Variants in CACNB2 observed in about 807,000 individuals in gnomAD.
CACNB2 encodes the protein voltage-dependent L-type calcium channel subunit beta-2.
A neutral mutation model predicts 73.3 loss-of-function variants in CACNB2; 42 were observed. That is an observed-to-expected ratio of 0.57 (90% CI 0.45 to 0.74). The LOEUF is 0.74. CACNB2 is among the 30% of genes least tolerant of loss of function. The pLI is 0.00. For missense variants in CACNB2, 940 were observed against 853.0 expected (o/e 1.10, Z -1.27); for synonymous variants, 348 against 310.3 (o/e 1.12, Z -1.28).
chr10:18,191,008 G>A (rs2034370419), intron 2 of CACNB2, among the ~76,000 whole-genome samples: 1 of 152,242 alleles, frequency 6.6e-6, no homozygotes, highest in Non-Finnish European at 1.5e-5. Flanking sequence ...TGGGAAACGC[G>A]CAAGCTGTGA....
At chr10:18,332,018 A>G (rs540623371) in intron 2 of CACNB2, among the ~76,000 whole-genome samples, 9 of 152,264 alleles carry the variant, frequency 5.9e-5, no homozygotes, top group African/African-American at 2.2e-4. Flanking sequence ...GCAGGACACC[A>G]ATGTGGCTGC....
intron 3 of CACNB2, among the ~76,000 whole-genome samples, chr10:18,489,222 A>G (rs1350455097): frequency 1.3e-5 from 2 of 151,824 alleles, no homozygotes; most frequent in African/African-American, 4.8e-5. Context: ...CTGTGTCAAG[A>G]AACAAAAAAT....
intron 2 of CACNB2, among the ~76,000 whole-genome samples, chr10:18,340,489 A>AACT (rs879320264): frequency 7.9e-5 from 12 of 152,320 alleles, no homozygotes; most frequent in Admixed American, 3.9e-4. Context: ...CAGCTTATCC[A>AACT]GTTATGCAAC....
intron 3 of CACNB2, among the ~76,000 whole-genome samples, chr10:18,430,472 A>T (rs911643468): frequency 1.3e-5 from 2 of 152,016 alleles, no homozygotes; most frequent in African/African-American, 4.8e-5. Flanking sequence ...AAAAAAAAAA[A>T]TTAATTAATT....
chr10:18,290,889 G>A (rs1272389049), intron 2 of CACNB2, among the ~76,000 whole-genome samples: 1 of 152,254 alleles, frequency 6.6e-6, no homozygotes, highest in Non-Finnish European at 1.5e-5. Context: ...GGTAAAAGGA[G>A]AGGAACGCAA....
chr10:18,535,883 T>C (rs2053523896), intron 11 of CACNB2, among the ~76,000 whole-genome samples: 1 of 152,118 alleles, frequency 6.6e-6, no homozygotes, highest in Non-Finnish European at 1.5e-5. Context: ...TGAGATAAAA[T>C]GTTTGAGAGC....
At chr10:18,399,712 T>G (rs1167132362) in intron 2 of CACNB2, among the ~76,000 whole-genome samples, 1 of 152,096 alleles carries the variant, frequency 6.6e-6, no homozygotes, top group Non-Finnish European at 1.5e-5. Context: ...AAGAACACTT[T>G]TTTTTTTCAT....
chr10:18,234,987 T>C (rs2036378029), intron 2 of CACNB2, among the ~76,000 whole-genome samples: 1 of 151,120 alleles, frequency 6.6e-6, no homozygotes, highest in Non-Finnish European at 1.5e-5. Flanking sequence ...ACTAAAAATA[T>C]AAAAAATTAG....
intron 3 of CACNB2, among the ~76,000 whole-genome samples, chr10:18,444,277 C>A (rs1457005539): frequency 6.6e-6 from 1 of 152,058 alleles, no homozygotes; most frequent in African/African-American, 2.4e-5. Flanking sequence ...GGAGAGGATG[C>A]AGAGAGAAGG....
intron 2 of CACNB2, among the ~76,000 whole-genome samples, chr10:18,371,402 C>G (rs1385397751): frequency 6.6e-6 from 1 of 152,088 alleles, no homozygotes; most frequent in Non-Finnish European, 1.5e-5. Context: ...GTTCCCCTTC[C>G]TGTGTCCATG....
chr10:18,537,953 C>A (rs768550174), intron 12 of CACNB2, among the ~76,000 whole-genome samples: 2 of 152,132 alleles, frequency 1.3e-5, no homozygotes, highest in Non-Finnish European at 1.5e-5. Context: ...ACAACTGTTA[C>A]CTTTCTGGCC....
intron 2 of CACNB2, among the ~76,000 whole-genome samples, chr10:18,387,087 C>A (rs2043267438): frequency 6.6e-6 from 1 of 152,218 alleles, no homozygotes; most frequent in South Asian, 2.1e-4. Context: ...GCTGAGTCGT[C>A]TCAGAGCCGT....
At chr10:18,481,990 A>G (rs2048804070) in intron 3 of CACNB2, among the ~76,000 whole-genome samples, 1 of 152,130 alleles carries the variant, frequency 6.6e-6, no homozygotes. Flanking sequence ...CCTGGGTTCA[A>G]GCAATTCTCT....
rs781337449 is a variant in CACNB2, at chr10:18,539,636, A to G, written c.1895A>G (p.Asp632Gly). ...NKQRSRHKSK[D>G]RYCEKDGEVI... is the part of the protein sequence containing the mutation. Reference sequence around the variant, plus strand: ...CAGCGCAGCCGTCATAAATCCAAGGATCGCTACTGTGAAAAGGATGGAGAA... The same window carrying G: ...CAGCGCAGCCGTCATAAATCCAAGGGTCGCTACTGTGAAAAGGATGGAGAA... Residue 632 changes from aspartate (D) to glycine (G), a missense_variant, in exon 14 of 14, where the codon GAT (aspartate) becomes GGT (glycine). Transcript: ENST00000324631. 2 of 1,613,532 alleles carry G rather than the reference A, an allele frequency of 1.2e-6. No homozygotes were observed. The highest frequency in any genetic ancestry group is 4.5e-5 in the East Asian group (2 of 44,828).
intron 2 of CACNB2, among the ~76,000 whole-genome samples, chr10:18,156,732 C>G (rs2032069005): frequency 6.6e-6 from 1 of 151,996 alleles, no homozygotes; most frequent in Non-Finnish European, 1.5e-5. Flanking sequence ...TTAATTGGAA[C>G]AAAAGTTAAC....
intron 2 of CACNB2, among the ~76,000 whole-genome samples, chr10:18,219,388 T>C (rs1228695293): frequency 6.6e-6 from 1 of 152,244 alleles, no homozygotes; most frequent in Non-Finnish European, 1.5e-5. Flanking sequence ...AGTTTCCATG[T>C]GCTGCTGGCA....
intron 2 of CACNB2, among the ~76,000 whole-genome samples, chr10:18,360,591 T>C (rs2042102927): frequency 6.6e-6 from 1 of 152,218 alleles, no homozygotes; most frequent in African/African-American, 2.4e-5. Context: ...ACAAGAGTCC[T>C]GTGAGGCAGA....
chr10:18,169,509 G>T (rs182914394), intron 2 of CACNB2, among the ~76,000 whole-genome samples: 1 of 152,152 alleles, frequency 6.6e-6, no homozygotes, highest in Admixed American at 6.5e-5. Flanking sequence ...AGTGATAACA[G>T]GCATAATTGT....
chr10:18,442,610 A>G (rs1487024164), intron 3 of CACNB2, among the ~76,000 whole-genome samples: 1 of 151,602 alleles, frequency 6.6e-6, no homozygotes, highest in African/African-American at 2.4e-5. Flanking sequence ...GCAGATCACG[A>G]GGTCAAGATA....
Sources: gnomAD v4.1 joint callset for allele counts (sites outside exome capture counted in the v4.1 genomes callset) on GRCh38, gnomAD v4.1.1 for gene constraint, MANE v1.5 for transcripts, NCBI Gene and HGNC (gene_info 2026-07-23, HGNC 2026-07-21) for gene names.